The following RASA2 variants were observed in gnomAD, a reference collection of about 807,000 sequenced individuals.
RASA2 encodes ras GTPase-activating protein 2.
A neutral mutation model predicts 118.2 loss-of-function variants in RASA2; 155 were observed. The ratio of observed to expected loss-of-function variants is 1.31; its 90% confidence interval spans 1.15 to 1.50. The LOEUF is 1.50. Ranked by LOEUF, RASA2 falls within the 40% of genes most tolerant of loss-of-function variation. RASA2 has a pLI of 0.00. For synonymous variants in RASA2, 353 were observed against 349.1 expected, an observed-to-expected ratio of 1.01 and a Z score of -0.12; for missense variants, 1,016 against 1,009.6, an observed-to-expected ratio of 1.01 and a Z score of -0.09.
chr3:141,527,140 G>T (rs973681200), intron 3 of RASA2, among the ~76,000 whole-genome samples: 4 of 152,174 alleles, frequency 2.6e-5, no homozygotes, highest in Admixed American at 1.3e-4. Context: ...ATGAGGGAAT[G>T]AATTTGTCAA....
At chr3:141,552,276 G>A (rs776714321) in intron 5 of RASA2, among the ~76,000 whole-genome samples, 1 of 152,040 alleles carries the variant, frequency 6.6e-6, no homozygotes, top group Non-Finnish European at 1.5e-5. Flanking sequence ...CATAATTGGT[G>A]TTTATGTGAG....
chr3:141,562,402 T>C (rs2082744748), intron 9 of RASA2, among the ~76,000 whole-genome samples: 1 of 146,620 alleles, frequency 6.8e-6, no homozygotes, highest in Non-Finnish European at 1.5e-5. Flanking sequence ...GGCAGGCGGA[T>C]CATGAGGTCA....
chr3:141,607,431 C>T (rs1368317070), intron 19 of RASA2, among the ~76,000 whole-genome samples: 4 of 152,018 alleles, frequency 2.6e-5, no homozygotes, highest in Non-Finnish European at 4.4e-5. Context: ...AATTTAGTCC[C>T]AGATTTTTCC....
At chr3:141,517,026 T>C (rs2082037707) in intron 3 of RASA2, among the ~76,000 whole-genome samples, 2 of 151,832 alleles carry the variant, frequency 1.3e-5, no homozygotes, top group Admixed American at 1.3e-4. Flanking sequence ...TGCCTCGGCC[T>C]CCCAGAGTGT....
At chr3:141,530,217 T>C (rs1327565414) in intron 4 of RASA2, among the ~76,000 whole-genome samples, 2 of 152,130 alleles carry the variant, frequency 1.3e-5, no homozygotes, top group Non-Finnish European at 2.9e-5. Flanking sequence ...GGAAATGTTA[T>C]TCATTTAAAC....
At chr3:141,523,404 G>A (rs907207147) in intron 3 of RASA2, among the ~76,000 whole-genome samples, 7 of 152,106 alleles carry the variant, frequency 4.6e-5, no homozygotes, top group Admixed American at 1.3e-4. Context: ...GTGAGCCACC[G>A]TGCCCAGCCT....
intron 4 of RASA2, among the ~76,000 whole-genome samples, chr3:141,532,069 A>G (rs967723763): frequency 1.3e-5 from 2 of 152,162 alleles, no homozygotes; most frequent in Non-Finnish European, 2.9e-5. Flanking sequence ...TAGTAATTAT[A>G]CCAGTGTATC....
chr3:141,489,907 T>A (rs1419342693), intron 1 of RASA2, among the ~76,000 whole-genome samples: 3 of 150,228 alleles, frequency 2.0e-5, no homozygotes, highest in African/African-American at 7.3e-5. Flanking sequence ...AATAACAACA[T>A]GAGACCTCAA....
chr3:141,586,236 C>T (rs540943270), intron 18 of RASA2, 138 bp downstream of exon 18: 33 of 704,408 alleles, frequency 4.7e-5, no homozygotes, highest in Non-Finnish European at 5.4e-5. Context: ...TCAGGTAAGT[C>T]GCCTTTACTG....
intron 3 of RASA2, among the ~76,000 whole-genome samples, chr3:141,528,617 G>A (rs987725254): frequency 6.6e-6 from 1 of 151,628 alleles, no homozygotes; most frequent in Non-Finnish European, 1.5e-5. Flanking sequence ...GGTGTGGTGG[G>A]GGCCTTAATA....
At chr3:141,599,066 C>A (rs193024218) in intron 19 of RASA2, among the ~76,000 whole-genome samples, 6 of 151,898 alleles carry the variant, frequency 4.0e-5, no homozygotes, top group Non-Finnish European at 8.8e-5. Context: ...CCAGCCCCGG[C>A]GACAGAGCGA....
At chr3:141,597,535 G>T (rs2083392451) in intron 19 of RASA2, among the ~76,000 whole-genome samples, 1 of 152,078 alleles carries the variant, frequency 6.6e-6, no homozygotes, top group African/African-American at 2.4e-5. Flanking sequence ...TTGATTTATG[G>T]TCATGGTTAT....
intron 5 of RASA2, among the ~76,000 whole-genome samples, chr3:141,544,754 C>T (rs148706905): frequency 3.6e-4 from 55 of 152,254 alleles, no homozygotes; most frequent in African/African-American, 1.2e-3. Flanking sequence ...GGCCATCAAT[C>T]GCAGACTGGA....
Position 141,559,927 on chromosome 3 carries a change from A to G in RASA2, c.795A>G (p.Gln265=), listed in dbSNP as rs764194912. Residue 265 remains glutamine (Q), a synonymous_variant, in exon 9 of 24, where the codon CAA becomes CAG. Coordinates refer to ENST00000286364, the MANE Select transcript of RASA2 (RefSeq NM_006506.5). ...TGTGGAACAATGGAAACCTAGTCCA[A>G]GATGTTTTCCTAGGTGAGATTAAGG... The part of the protein sequence containing the change: ...IDLWNNGNLV[Q]DVFLGEIKVP... 9.9e-6 allele frequency: 16 copies of G among 1,613,226 alleles called. No homozygotes were observed. The highest frequency in any genetic ancestry group is 1.4e-5 in the Non-Finnish European group (16 of 1,179,470).
intron 3 of RASA2, among the ~76,000 whole-genome samples, chr3:141,524,515 G>C (rs540198013): frequency 6.6e-6 from 1 of 152,084 alleles, no homozygotes; most frequent in Non-Finnish European, 1.5e-5. Context: ...GCTGTTGACT[G>C]TTTGCCAGGA....
rs915319353 is a variant in RASA2, at chr3:141,612,405, T to C, written c.*92T>C. 3 of 1,051,118 alleles carry C rather than the reference T, an allele frequency of 2.9e-6. No individual in the cohort carries two copies. The highest frequency in any genetic ancestry group is 3.2e-5 in the African/African-American group (2 of 61,760). 65.1% of individuals were successfully genotyped at this position (1,051,118 alleles called of 1,614,324 possible). ...GTATTTTGTTCATGGTATTTAAGAA[T>C]GAGCATCCGCTTCAATGTCATCTGC... On this transcript the variant is annotated 3_prime_UTR_variant, in exon 24 of 24. Coordinates refer to ENST00000286364, the MANE Select transcript of RASA2 (RefSeq NM_006506.5).
chr3:141,596,546 A>G (rs1006726944), intron 19 of RASA2, among the ~76,000 whole-genome samples: 4 of 152,224 alleles, frequency 2.6e-5, no homozygotes, highest in African/African-American at 9.6e-5. Flanking sequence ...TGAAAAGGTA[A>G]GCAACAGACT....
intron 17 of RASA2, among the ~76,000 whole-genome samples, chr3:141,584,492 A>C (rs1341673421): frequency 4.6e-5 from 7 of 152,338 alleles, no homozygotes; most frequent in Non-Finnish European, 1.5e-5. Context: ...GACTTGGTAA[A>C]GATGGATACT....
In RASA2 at chr3:141,512,241, A is replaced by G; in HGVS notation, c.212A>G (p.Glu71Gly). Residue 71 changes from glutamate (E) to glycine (G), a missense_variant, in exon 2 of 24, where the codon GAA (glutamate) becomes GGA (glycine). Glu to Gly is a moderately conservative substitution (Grantham distance 98). Around this residue, in one of 2 missense-constraint regions of RASA2, gnomAD observed 896 missense variants for 836.4 expected, o/e 1.07. Transcript: ENST00000286364. ...DCFCTINLDQ[E>G]EVYRTQVVEK... ...TTCTGTACCATAAATTTGGACCAGG[A>G]AGAAGTTTATCGTACCCAAGTTGTG... 1 of 1,594,086 alleles carries G rather than the reference A, an allele frequency of 6.3e-7. No homozygotes were observed. Among genetic ancestry groups the G allele is most frequent in the Non-Finnish European group, 8.5e-7 (1 of 1,175,142 alleles).
Sources: allele counts gnomAD v4.1 joint callset (sites outside exome capture counted in the v4.1 genomes callset), GRCh38; gene constraint gnomAD v4.1.1; regional missense constraint gnomAD v4.1.1; transcripts MANE v1.5; gene names NCBI Gene and HGNC (gene_info 2026-07-23, HGNC 2026-07-21).